The following ADPGK variants were observed in gnomAD, a reference collection of about 807,000 sequenced individuals.
The protein encoded by ADPGK is ADP-dependent glucokinase.
Under a neutral mutation model 42.4 loss-of-function variants are expected in ADPGK, and 26 were observed. That is an observed-to-expected ratio of 0.61 (90% confidence interval 0.45 to 0.85). The LOEUF (loss-of-function observed/expected upper bound fraction) is 0.85, where lower values mean the gene tolerates loss of function less well. ADPGK is among the 40% of genes least tolerant of loss of function. The pLI is 0.00. For synonymous variants in ADPGK, 267 were observed against 252.6 expected, an observed-to-expected ratio of 1.06 and a Z score of -0.54; for missense variants, 571 against 627.0, an observed-to-expected ratio of 0.91 and a Z score of 0.95.
At chr15:72,774,843 T>G in intron 2 of ADPGK, 29 bp downstream of exon 2, 2 of 1,578,710 alleles carry the variant, frequency 1.3e-6, no homozygotes, top group Non-Finnish European at 1.7e-6. Flanking sequence ...TTTTCCACCC[T>G]TAATTTACTA....
At chr15:72,766,145 G>C (rs534207524) in intron 3 of ADPGK, among the ~76,000 whole-genome samples, 59 of 152,100 alleles carry the variant, frequency 3.9e-4, no homozygotes, top group Non-Finnish European at 6.5e-4. Flanking sequence ...GCGCCACCAT[G>C]CCTAGCTAAT....
At position 72,771,923 on chromosome 15, in the gene ADPGK, AAATT is replaced by A. The variant is rs1380870579; in HGVS notation, c.460-82_460-79del. 12 of 1,220,538 alleles carry A rather than the reference AAATT, an allele frequency of 9.8e-6. No homozygotes were observed. The African/African-American group carries it at 1.4e-4, about 14-fold the overall frequency. The allele number at this position is 1,220,538 out of a possible 1,614,324, so 75.6% of individuals were successfully genotyped here. Reference sequence around the variant, plus strand: ...CAAGTTTAATCATTTTTTATTTTAAAAATTAATTTATAGTCCATTTCCCAAAAAC... The same window carrying A: ...CAAGTTTAATCATTTTTTATTTTAAAAATTTATAGTCCATTTCCCAAAAAC... On this transcript the variant is annotated intron_variant, in intron 2 of 6. Coordinates refer to ENST00000456471, the MANE Select transcript of ADPGK (RefSeq NM_001365225.1).
intron 4 of ADPGK, chr15:72,757,034 A>C (rs2066123968): frequency 6.5e-6 from 1 of 153,664 alleles, no homozygotes. Flanking sequence ...GCTTTAGAGG[A>C]ATGACTGTTT....
intron 1 of ADPGK, among the ~76,000 whole-genome samples, chr15:72,776,944 G>A (rs1255788359): frequency 6.6e-6 from 1 of 152,160 alleles, no homozygotes; most frequent in Admixed American, 6.5e-5. Context: ...ACTGTATTTG[G>A]CCCTTCTCTT....
At chr15:72,779,904 C>T (rs914613768) in intron 1 of ADPGK, among the ~76,000 whole-genome samples, 1 of 152,206 alleles carries the variant, frequency 6.6e-6, no homozygotes, top group Non-Finnish European at 1.5e-5. Context: ...GTACATTTCT[C>T]CTCCTCTGAA....
intron 3 of ADPGK, among the ~76,000 whole-genome samples, chr15:72,767,355 C>T (rs1438443752): frequency 6.6e-6 from 1 of 150,634 alleles, no homozygotes; most frequent in African/African-American, 2.4e-5. Flanking sequence ...CGTCAACATA[C>T]CTCTTAATAA....
chr15:72,779,312 G>A (rs1199286852), intron 1 of ADPGK, among the ~76,000 whole-genome samples: 3 of 144,634 alleles, frequency 2.1e-5, no homozygotes, highest in Non-Finnish European at 4.5e-5. Flanking sequence ...GCAACGGCGC[G>A]ATCTCGGCTC....
In ADPGK at chr15:72,783,674, G is replaced by A. The variant is rs1004023263; in HGVS notation, c.18C>T (p.Gly6=). The A allele has an allele frequency of 3.3e-6, 5 of 1,501,862 alleles. No homozygotes were observed. Among genetic ancestry groups the A allele is most frequent in the Middle Eastern group, 1.8e-4 (1 of 5,410 alleles). The allele number at this position is 1,501,862 out of a possible 1,614,324, so 93.0% of individuals were successfully genotyped here. A position where few individuals can be genotyped will look rare whatever the true frequency, so the allele number is the denominator to read the frequency against. The change falls in exon 1 of 7, where the codon GGC becomes GGT. Residue 6 remains glycine (G), a synonymous_variant. Transcript: ENST00000456471. The stretch of plus-strand genomic sequence containing the variant: ...GCGCCAGGAAGCCCGCGTACGCGGA[G>A]CCGCGCCACAGCGCCATGGGGACCC... MALWR[G]SAYAGFLALA...
chr15:72,770,765 C>T (rs2066319838), intron 3 of ADPGK, among the ~76,000 whole-genome samples: 1 of 152,180 alleles, frequency 6.6e-6, no homozygotes, highest in Admixed American at 6.5e-5. Flanking sequence ...TTAATATCCT[C>T]TCTAAACTGA....
At chr15:72,776,147 T>C (rs2066389530) in intron 1 of ADPGK, among the ~76,000 whole-genome samples, 1 of 152,192 alleles carries the variant, frequency 6.6e-6, no homozygotes, top group African/African-American at 2.4e-5. Context: ...ATGCTCAACT[T>C]GTACTAAGGT....
intron 4 of ADPGK, 85 bp downstream of exon 4, chr15:72,760,322 T>G (rs1396603257): frequency 8.4e-6 from 12 of 1,426,300 alleles, no homozygotes; most frequent in Non-Finnish European, 1.1e-5. Flanking sequence ...TTTACAAAGA[T>G]AAATTTCCGG....
chr15:72,783,735 G>C lies in ADPGK; in HGVS notation c.-44C>G. ...CCTGCGCGAACCAACTCCTTTCCTAGCCCGCGCCTCTTCCGGGCTCGGCGC... is the reference window on the plus strand; with the variant it reads ...CCTGCGCGAACCAACTCCTTTCCTACCCCGCGCCTCTTCCGGGCTCGGCGC... On this transcript the variant is annotated 5_prime_UTR_variant, in exon 1 of 7. Coordinates refer to ENST00000456471, the MANE Select transcript of ADPGK (RefSeq NM_001365225.1). 2 of 1,407,142 alleles carry C rather than the reference G, an allele frequency of 1.4e-6. No homozygotes were observed. Among genetic ancestry groups the C allele is most frequent in the African/African-American group, 1.5e-5 (1 of 66,242 alleles). 87.2% of individuals were successfully genotyped at this position (1,407,142 alleles called of 1,614,324 possible).
intron 3 of ADPGK, among the ~76,000 whole-genome samples, chr15:72,771,456 T>C (rs190075544): frequency 1.5e-4 from 23 of 152,336 alleles, no homozygotes; most frequent in Non-Finnish European, 8.8e-5. Context: ...CTCATTCCAT[T>C]ACCAATCAGT....
At chr15:72,755,980 AC>A in intron 5 of ADPGK, 1 of 665,032 alleles carries the variant, frequency 1.5e-6, no homozygotes. Context: ...CAAACTACAA[AC>A]CCTGCAGCTT....
chr15:72,758,702 TA>T (rs1407492400), intron 4 of ADPGK: 1 of 157,574 alleles, frequency 6.3e-6, no homozygotes, highest in Non-Finnish European at 1.4e-5. Context: ...TCTCCTTAAC[TA>T]CATACGAGGC....
chr15:72,777,615 T>C (rs1388594086), intron 1 of ADPGK, among the ~76,000 whole-genome samples: 1 of 150,584 alleles, frequency 6.6e-6, no homozygotes, highest in East Asian at 2.0e-4. Context: ...GAGGTGGAGG[T>C]TGCAGTGAGC....
intron 2 of ADPGK, among the ~76,000 whole-genome samples, chr15:72,772,611 A>G (rs750377757): frequency 1.3e-5 from 2 of 152,084 alleles, no homozygotes; most frequent in Non-Finnish European, 2.9e-5. Flanking sequence ...TGCTTGGGCT[A>G]CTATCATCTG....
At chr15:72,783,351 C>T in intron 1 of ADPGK, 108 bp downstream of exon 1, 1 of 1,295,000 alleles carries the variant, frequency 7.7e-7, no homozygotes, top group East Asian at 3.1e-5. Flanking sequence ...CCAGCGCGGA[C>T]AGCAGCGCCT....
At chr15:72,755,047 G>C (rs1300160629) in intron 6 of ADPGK, among the ~76,000 whole-genome samples, 2 of 152,178 alleles carry the variant, frequency 1.3e-5, no homozygotes, top group Admixed American at 1.3e-4. Flanking sequence ...TGCCAGGTGA[G>C]GTAACTTGCC....
Sources: gnomAD v4.1 joint callset for allele counts (sites outside exome capture counted in the v4.1 genomes callset) on GRCh38, gnomAD v4.1.1 for gene constraint, MANE v1.5 for transcripts, NCBI Gene and HGNC (gene_info 2026-07-23, HGNC 2026-07-21) for gene names.